FHIP1A: variants seen among roughly 807,000 people sequenced by gnomAD.
The protein encoded by FHIP1A is FHF complex subunit HOOK interacting protein 1A.
Under a neutral mutation model 88.6 loss-of-function variants are expected in FHIP1A, and 61 were observed. The ratio of observed to expected loss-of-function variants is 0.69; its 90% CI spans 0.56 to 0.85. The LOEUF (loss-of-function observed/expected upper bound fraction) is 0.85. FHIP1A is among the 40% of genes least tolerant of loss of function. The pLI is 0.00. For missense variants in FHIP1A, 1,154 were observed against 1,273.5 expected, an observed-to-expected ratio of 0.91 and a Z score of 1.43; for synonymous variants, 478 against 496.0, an observed-to-expected ratio of 0.96 and a Z score of 0.48.
chr4:151,479,297 A>G (rs183280696), intron 2 of FHIP1A, among the ~76,000 whole-genome samples: 11 of 152,200 alleles, frequency 7.2e-5, no homozygotes, highest in Admixed American at 2.0e-4. Context: ...TCTGTGCCTC[A>G]GTTTTATCCT....
intron 7 of FHIP1A, among the ~76,000 whole-genome samples, chr4:151,607,531 G>A (rs1008878771): frequency 6.6e-5 from 10 of 152,196 alleles, no homozygotes; most frequent in African/African-American, 2.4e-4. Flanking sequence ...CTAAAAGTGT[G>A]TACCATCTAA....
chr4:151,607,971 A>G (rs1735137882), intron 7 of FHIP1A, among the ~76,000 whole-genome samples: 1 of 131,626 alleles, frequency 7.6e-6, no homozygotes, highest in South Asian at 2.4e-4. Context: ...ATACTTTTAC[A>G]TTATTTCACA....
intron 7 of FHIP1A, 119 bp from the exon 8 acceptor site, chr4:151,629,583 T>C (rs1309676864): frequency 2.6e-6 from 2 of 775,990 alleles, no homozygotes; most frequent in East Asian, 2.7e-5. Context: ...TGTGTTTTCG[T>C]GGGCAGGCAT....
At chr4:151,561,181 C>T (rs192788366) in intron 3 of FHIP1A, among the ~76,000 whole-genome samples, 94 of 152,038 alleles carry the variant, frequency 6.2e-4, no homozygotes, top group Admixed American at 1.1e-3. Context: ...GTGTATTGAC[C>T]GAATTTTCTT....
intron 3 of FHIP1A, among the ~76,000 whole-genome samples, chr4:151,513,501 G>T (rs1415699178): frequency 6.6e-6 from 1 of 152,174 alleles, no homozygotes; most frequent in Non-Finnish European, 1.5e-5. Context: ...AGAAGACACA[G>T]ACTGGCAAAT....
At chr4:151,411,343 A>ATTTTTTTTTT (rs370374898) in intron 1 of FHIP1A, among the ~76,000 whole-genome samples, 4 of 112,252 alleles carry the variant, frequency 3.6e-5, no homozygotes, top group South Asian at 3.3e-4. Context: ...GTGAAATTAT[A>ATTTTTTTTTT]TATATATTTT....
At chr4:151,605,529 A>G (rs896073101) in intron 7 of FHIP1A, among the ~76,000 whole-genome samples, 2 of 152,206 alleles carry the variant, frequency 1.3e-5, no homozygotes, top group Non-Finnish European at 2.9e-5. Context: ...GCACTTGGAA[A>G]GACAGAAGCA....
In FHIP1A at chr4:151,669,104, A is replaced by G. The variant is rs893433845; in HGVS notation, c.*6350A>G. 1.3e-5 allele frequency among the ~76,000 whole-genome samples: 2 copies of G among 152,262 alleles called. No homozygotes were observed. Among genetic ancestry groups the G allele is most frequent in the Non-Finnish European group, 2.9e-5 (2 of 68,046 alleles). ...CTGAGGCCCCTTTATAAGCAGAGCCATCTTTGCGAATTTCTTGGGGTGTTA... is the reference window on the plus strand; with the variant it reads ...CTGAGGCCCCTTTATAAGCAGAGCCGTCTTTGCGAATTTCTTGGGGTGTTA... On this transcript the variant is annotated 3_prime_UTR_variant, in exon 14 of 14. Transcript: ENST00000435205.
intron 3 of FHIP1A, among the ~76,000 whole-genome samples, chr4:151,531,816 C>T (rs747935964): frequency 3.1e-4 from 47 of 152,078 alleles, no homozygotes; most frequent in Non-Finnish European, 4.6e-4. Flanking sequence ...ATGCCACTTA[C>T]GTAAATTACA....
chr4:151,418,444 G>GT (rs960423840), intron 1 of FHIP1A, among the ~76,000 whole-genome samples: 44 of 151,906 alleles, frequency 2.9e-4, no homozygotes, highest in Non-Finnish European at 5.6e-4. Context: ...ATTGGAGAGT[G>GT]TTTTTTTTGT....
chr4:151,572,832 A>G (rs1206607995), intron 4 of FHIP1A, among the ~76,000 whole-genome samples: 1 of 152,232 alleles, frequency 6.6e-6, no homozygotes, highest in African/African-American at 2.4e-5. Context: ...AATAATATTA[A>G]GTGGAATCAA....
chr4:151,659,863 G>A (rs72956926), intron 13 of FHIP1A, among the ~76,000 whole-genome samples: 5,302 of 152,256 alleles, frequency 0.035, 309 homozygotes, highest in African/African-American at 0.12. Context: ...GAGAGCGGAC[G>A]TCCTGTTCCC....
chr4:151,556,511 A>G (rs530971351), intron 3 of FHIP1A, among the ~76,000 whole-genome samples: 5 of 152,290 alleles, frequency 3.3e-5, no homozygotes, highest in African/African-American at 1.2e-4. Flanking sequence ...GCTTACCTGT[A>G]TTACATTCCT....
chr4:151,527,119 G>A (rs1428461396), intron 3 of FHIP1A, among the ~76,000 whole-genome samples: 5 of 151,818 alleles, frequency 3.3e-5, no homozygotes, highest in African/African-American at 1.2e-4. Context: ...TCCCAGACGG[G>A]GTGGCGGCCG....
chr4:151,535,888 A>T (rs1257563261), intron 3 of FHIP1A, among the ~76,000 whole-genome samples: 1 of 152,248 alleles, frequency 6.6e-6, no homozygotes, highest in East Asian at 1.9e-4. Context: ...GTCTTTAAGT[A>T]TAAAAGCCAT....
intron 1 of FHIP1A, among the ~76,000 whole-genome samples, chr4:151,414,859 C>T (rs1732824031): frequency 6.6e-6 from 1 of 152,116 alleles, no homozygotes; most frequent in African/African-American, 2.4e-5. Context: ...TTTCTTATTA[C>T]ATACATGATA....
At chr4:151,643,255 A>G (rs1003318407) in intron 9 of FHIP1A, among the ~76,000 whole-genome samples, 2 of 152,040 alleles carry the variant, frequency 1.3e-5, no homozygotes, top group African/African-American at 2.4e-5. Context: ...CTGTTTTTCT[A>G]TTCTTTCTTC....
chr4:151,544,963 A>T (rs1732434387), intron 3 of FHIP1A, among the ~76,000 whole-genome samples: 1 of 152,156 alleles, frequency 6.6e-6, no homozygotes. Context: ...CTGCAAAGCT[A>T]CTTGGAGAGG....
intron 3 of FHIP1A, among the ~76,000 whole-genome samples, chr4:151,527,546 CGAGAGCGAGAGAGA>C (rs1161491992): frequency 1.3e-5 from 2 of 151,872 alleles, no homozygotes; most frequent in Non-Finnish European, 2.9e-5. Context: ...GTGGGGAGAG[CGAGAGCGAGAGAGA>C]GAGGGAGAGG....
Sources: allele counts gnomAD v4.1 joint callset (sites outside exome capture counted in the v4.1 genomes callset), GRCh38; gene constraint gnomAD v4.1.1; transcripts MANE v1.5; gene names NCBI Gene and HGNC (gene_info 2026-07-23, HGNC 2026-07-21).